TMEM169: variants seen among roughly 807,000 people sequenced by gnomAD.
The protein encoded by TMEM169 is transmembrane protein 169.
In TMEM169, 18 loss-of-function variants were observed where a neutral mutation model predicts 27.3. The ratio of observed to expected loss-of-function variants is 0.66; its 90% CI spans 0.46 to 0.98. The LOEUF is 0.98. Among genes scored for constraint, TMEM169 ranks in the 50% least tolerant of loss-of-function variants. The pLI is 0.00. For missense variants in TMEM169, 320 were observed against 368.6 expected, an observed-to-expected ratio of 0.87 and a Z score of 1.08; for synonymous variants, 136 against 142.1, an observed-to-expected ratio of 0.96 and a Z score of 0.30.
chr2:216,093,360 G>A (rs1300738930), intron 1 of TMEM169, among the ~76,000 whole-genome samples: 2 of 152,042 alleles, frequency 1.3e-5, no homozygotes, highest in South Asian at 4.1e-4. Flanking sequence ...CCTTGGGAGG[G>A]CTCTCTCCCC....
chr2:216,091,847 T>A (rs1469758624), intron 1 of TMEM169, among the ~76,000 whole-genome samples: 1 of 152,216 alleles, frequency 6.6e-6, no homozygotes. Flanking sequence ...ATTGTCTACT[T>A]ACCATGACTA....
chr2:216,091,499 G>A (rs1696122743), intron 1 of TMEM169, among the ~76,000 whole-genome samples: 1 of 145,282 alleles, frequency 6.9e-6, no homozygotes, highest in African/African-American at 2.6e-5. Flanking sequence ...AGAGGTTGCA[G>A]TGAGCCAAGA....
At position 216,099,789 on chromosome 2, in the gene TMEM169, C is replaced by G; in HGVS notation, c.272-131C>G. ...ACCCACTCAGTCCGCCATTGAATCA[C>G]TGACTCAGGACTGTGCCAGATGGTG... On this transcript the variant is annotated intron_variant, in intron 2 of 2. Transcript: ENST00000437356. The surrounding 1 kb of genome is among the most constrained non-coding windows in gnomAD (Gnocchi z 5.0). 1 of 1,265,946 alleles carries G rather than the reference C, an allele frequency of 7.9e-7. No homozygotes were observed. The highest frequency in any genetic ancestry group is 1.1e-6 in the Non-Finnish European group (1 of 916,518). The allele number at this position is 1,265,946 out of a possible 1,614,324, so 78.4% of individuals were successfully genotyped here. A position where few individuals can be genotyped will look rare whatever the true frequency, so the allele number is the denominator to read the frequency against.
At chr2:216,093,162 G>GTGTGTA (rs1559227146) in intron 1 of TMEM169, among the ~76,000 whole-genome samples, 1 of 136,598 alleles carries the variant, frequency 7.3e-6, no homozygotes, top group African/African-American at 2.6e-5. Flanking sequence ...GTGTGTGTGT[G>GTGTGTA]TATACATATA....
intron 1 of TMEM169, among the ~76,000 whole-genome samples, chr2:216,091,556 CAAAAAA>C (rs35975278): frequency 2.5e-5 from 2 of 80,336 alleles, no homozygotes; most frequent in African/African-American, 9.9e-5. Context: ...GACTCCATCT[CAAAAAA>C]AAAAAAAAAA....
intron 1 of TMEM169, among the ~76,000 whole-genome samples, chr2:216,083,163 TCTC>T (rs1559223558): frequency 6.6e-6 from 1 of 152,214 alleles, no homozygotes; most frequent in South Asian, 2.1e-4. Flanking sequence ...AAGGAATAAA[TCTC>T]CTGGTTACCA....
At chr2:216,093,646 T>A (rs6736096) in intron 1 of TMEM169, among the ~76,000 whole-genome samples, 1 of 151,890 alleles carries the variant, frequency 6.6e-6, no homozygotes, top group East Asian at 1.9e-4. Flanking sequence ...AGATCCAACA[T>A]CTGCCAATCC....
intron 1 of TMEM169, among the ~76,000 whole-genome samples, chr2:216,089,597 C>T (rs1474535731): frequency 6.6e-6 from 1 of 152,216 alleles, no homozygotes; most frequent in Non-Finnish European, 1.5e-5. Context: ...GCTGGGATTA[C>T]AGGCGTGCAC....
chr2:216,084,593 T>C (rs925131737), intron 1 of TMEM169, among the ~76,000 whole-genome samples: 1 of 152,172 alleles, frequency 6.6e-6, no homozygotes, highest in Non-Finnish European at 1.5e-5. Flanking sequence ...TGACAAATGT[T>C]GGTAAGCCTT....
At chr2:216,082,824 G>A (rs550942370) in intron 1 of TMEM169, 8 of 152,376 alleles carry the variant, frequency 5.3e-5, no homozygotes, top group African/African-American at 1.9e-4. Context: ...TAACAATCCA[G>A]ATGGGATGCT....
intron 2 of TMEM169, 23 bp downstream of exon 2, chr2:216,096,257 T>C: frequency 6.2e-7 from 1 of 1,600,938 alleles, no homozygotes; most frequent in Non-Finnish European, 8.5e-7. Context: ...AGCCCACTTG[T>C]TTAAAGCCAT....
intron 1 of TMEM169, among the ~76,000 whole-genome samples, chr2:216,093,509 C>G (rs1404454023): frequency 1.3e-5 from 2 of 152,136 alleles, no homozygotes; most frequent in African/African-American, 4.8e-5. Flanking sequence ...CAAAGTCAGG[C>G]AGTGAGGACG....
chr2:216,096,584 C>T (rs1388129548), intron 2 of TMEM169, among the ~76,000 whole-genome samples: 2 of 152,050 alleles, frequency 1.3e-5, no homozygotes, highest in South Asian at 2.1e-4. Context: ...AGGTTGGTCT[C>T]GAACTCCTGG....
intron 1 of TMEM169, among the ~76,000 whole-genome samples, chr2:216,087,035 C>T (rs867557774): frequency 3.3e-5 from 5 of 152,076 alleles, no homozygotes; most frequent in African/African-American, 4.8e-5. Context: ...GAGGAGAGGA[C>T]GTGGGGGCTG....
At chr2:216,085,897 A>G (rs953039434) in intron 1 of TMEM169, among the ~76,000 whole-genome samples, 5 of 152,042 alleles carry the variant, frequency 3.3e-5, no homozygotes, top group African/African-American at 7.2e-5. Context: ...AAACAAAAAA[A>G]GAATTATCTG....
intron 1 of TMEM169, among the ~76,000 whole-genome samples, chr2:216,091,578 A>AAAAAAAAAG (rs746507441): frequency 2.6e-5 from 3 of 113,364 alleles, no homozygotes; most frequent in Non-Finnish European, 3.4e-5. Flanking sequence ...AAAAAAAAAA[A>AAAAAAAAAG]AGAGAGAGAC....
At chr2:216,089,619 G>T (rs967519810) in intron 1 of TMEM169, among the ~76,000 whole-genome samples, 4 of 152,130 alleles carry the variant, frequency 2.6e-5, no homozygotes, top group African/African-American at 9.7e-5. Context: ...ACCACGCCAA[G>T]CTACTTGTAT....
At chr2:216,095,547 T>C (rs1276116523) in intron 1 of TMEM169, among the ~76,000 whole-genome samples, 1 of 152,214 alleles carries the variant, frequency 6.6e-6, no homozygotes, top group Non-Finnish European at 1.5e-5. Context: ...ACAATAATTG[T>C]TGACTTTCAT....
chr2:216,096,135 GA>G lies in TMEM169; in HGVS notation c.173del (p.Asp58AlafsTer27), dbSNP rs1186068654. On this transcript the variant is annotated frameshift_variant, in exon 2 of 3. Coordinates refer to ENST00000437356, the MANE Select transcript of TMEM169 (RefSeq NM_001142311.2). LOFTEE classifies it high-confidence loss of function. The part of the protein sequence containing the change: ...RPESIIIYRS[D>X]NEKTDEEPGE... ...AGAATCCATCATCATCTACCGCTCA[GA>G]CAATGAGAAAACAGATGAGGAGCCC... 1.9e-5 allele frequency: 31 copies of G among 1,614,010 alleles called. No homozygotes were observed. The Admixed American group carries it at 3.0e-4, about 16-fold the overall frequency.
Sources: allele counts gnomAD v4.1 joint callset (sites outside exome capture counted in the v4.1 genomes callset), GRCh38; gene constraint gnomAD v4.1.1; non-coding constraint Gnocchi (gnomAD v3.1); transcripts MANE v1.5; gene names NCBI Gene and HGNC (gene_info 2026-07-23, HGNC 2026-07-21).